Variants in VAT1L observed in about 807,000 individuals in gnomAD.
The protein encoded by VAT1L is vesicle amine transport 1 like, also known as putative NADPH-dependent quinone oxidoreductase VAT1L.
A neutral mutation model predicts 44.1 loss-of-function variants in VAT1L; 34 were observed. The ratio of observed to expected loss-of-function variants is 0.77; its 90% CI spans 0.59 to 1.03. The LOEUF is 1.03. VAT1L is among the 50% of genes least tolerant of loss of function. VAT1L has a pLI of 0.00. For missense variants in VAT1L, 615 were observed against 538.8 expected (o/e 1.14, Z -1.40); for synonymous variants, 253 against 202.2 (o/e 1.25, Z -2.13).
intron 3 of VAT1L, among the ~76,000 whole-genome samples, chr16:77,831,276 A>T (rs1199558795): frequency 6.6e-6 from 1 of 152,206 alleles, no homozygotes; most frequent in African/African-American, 2.4e-5. Context: ...TTAGCAGACT[A>T]CTTGACATAT....
chr16:77,965,852 T>C (rs1466752199), intron 7 of VAT1L, among the ~76,000 whole-genome samples: 1 of 152,182 alleles, frequency 6.6e-6, no homozygotes, highest in Admixed American at 6.5e-5. Flanking sequence ...CCAGAAGCTA[T>C]TGTGTGACAG....
chr16:77,864,505 C>T (rs1372085217), intron 4 of VAT1L, among the ~76,000 whole-genome samples: 1 of 152,114 alleles, frequency 6.6e-6, no homozygotes, highest in Non-Finnish European at 1.5e-5. Context: ...ACTCAGAAGG[C>T]TGAGGTGGGT....
chr16:77,843,127 A>G (rs1441037722), intron 3 of VAT1L, among the ~76,000 whole-genome samples: 1 of 152,220 alleles, frequency 6.6e-6, no homozygotes, highest in African/African-American at 2.4e-5. Flanking sequence ...CCACAAAGAT[A>G]GGTCAGGAAA....
intron 7 of VAT1L, chr16:77,893,041 T>G (rs2017285205): frequency 5.5e-6 from 3 of 544,348 alleles, no homozygotes; most frequent in Non-Finnish European, 1.0e-5. Context: ...TCCCTTTGGG[T>G]TCCATGTTTT....
intron 7 of VAT1L, among the ~76,000 whole-genome samples, chr16:77,901,036 G>C (rs1275564241): frequency 6.6e-6 from 1 of 152,112 alleles, no homozygotes; most frequent in Non-Finnish European, 1.5e-5. Flanking sequence ...AGTTCAAAAG[G>C]TGAATGAGGA....
At chr16:77,963,826 G>A (rs917604862) in intron 7 of VAT1L, among the ~76,000 whole-genome samples, 3 of 152,154 alleles carry the variant, frequency 2.0e-5, no homozygotes, top group African/African-American at 7.2e-5. Context: ...ACTTCTCTGT[G>A]ATACTTCCCA....
Position 77,831,851 on chromosome 16 carries a change from TG to T in VAT1L, c.579+6391del, listed in dbSNP as rs553267663. Reference sequence around the variant, plus strand: ...TTTTTTTGGAGATGGAGTCTCACTCTGTCACCCAGGCTGGAGTGCAGTGGCT... The same window carrying T: ...TTTTTTTGGAGATGGAGTCTCACTCTTCACCCAGGCTGGAGTGCAGTGGCT... On this transcript the variant is annotated intron_variant, in intron 3 of 8. Coordinates refer to ENST00000302536, the MANE Select transcript of VAT1L (RefSeq NM_020927.3). Among the ~76,000 whole-genome samples the T allele has an allele frequency of 4.6e-5, 7 of 152,104 alleles. No individual in the cohort carries two copies. The South Asian group carries it at 1.5e-3, about 32-fold the overall frequency.
At chr16:77,930,891 C>A (rs142733913) in intron 7 of VAT1L, among the ~76,000 whole-genome samples, 9 of 152,306 alleles carry the variant, frequency 5.9e-5, no homozygotes, top group East Asian at 5.8e-4. Context: ...CTAATTTAAT[C>A]TAAGACACAA....
At chr16:77,902,189 T>C (rs2017390129) in intron 7 of VAT1L, among the ~76,000 whole-genome samples, 1 of 152,242 alleles carries the variant, frequency 6.6e-6, no homozygotes, top group East Asian at 1.9e-4. Flanking sequence ...GCTCATCTTA[T>C]TCCTTTCTTT....
At chr16:77,844,485 T>C (rs1003449302) in intron 3 of VAT1L, among the ~76,000 whole-genome samples, 4 of 152,172 alleles carry the variant, frequency 2.6e-5, no homozygotes, top group Non-Finnish European at 4.4e-5. Context: ...CTCAGCTCCC[T>C]GCAACCTCCG....
At chr16:77,954,598 C>A (rs532027361) in intron 7 of VAT1L, among the ~76,000 whole-genome samples, 71 of 152,262 alleles carry the variant, frequency 4.7e-4, no homozygotes, top group African/African-American at 1.6e-3. Flanking sequence ...GTAGTCCAGC[C>A]TGGGCGACAG....
chr16:77,969,663 C>G (rs1350741731), intron 7 of VAT1L, among the ~76,000 whole-genome samples: 1 of 151,970 alleles, frequency 6.6e-6, no homozygotes, highest in African/African-American at 2.4e-5. Context: ...ATCACTTTTG[C>G]TCTATTCTGT....
At chr16:77,872,101 G>C (rs2017039162) in intron 4 of VAT1L, among the ~76,000 whole-genome samples, 1 of 152,046 alleles carries the variant, frequency 6.6e-6, no homozygotes, top group Admixed American at 6.6e-5. Context: ...CCACAGTTGG[G>C]GAAACTGAGG....
chr16:77,825,217 C>T (rs1344890575), intron 2 of VAT1L, 29 bp from the exon 3 acceptor site: 3 of 1,611,394 alleles, frequency 1.9e-6, no homozygotes, highest in East Asian at 2.2e-5. Flanking sequence ...GAGGTAGCCT[C>T]CACTAACTCT....
chr16:77,905,123 C>T (rs542509248), intron 7 of VAT1L, among the ~76,000 whole-genome samples: 2 of 152,184 alleles, frequency 1.3e-5, no homozygotes, highest in South Asian at 4.1e-4. Context: ...TATAAAACAT[C>T]CCCTCTCTAT....
intron 7 of VAT1L, among the ~76,000 whole-genome samples, chr16:77,931,836 T>C (rs1481353865): frequency 1.3e-5 from 2 of 152,188 alleles, no homozygotes; most frequent in African/African-American, 4.8e-5. Context: ...AAGTTCAAAG[T>C]GTTAGGGGAA....
chr16:77,923,837 G>A (rs1333494791), intron 7 of VAT1L, among the ~76,000 whole-genome samples: 2 of 152,124 alleles, frequency 1.3e-5, no homozygotes, highest in Non-Finnish European at 2.9e-5. Flanking sequence ...ACCATCCCAG[G>A]ATAGCTCATA....
intron 7 of VAT1L, among the ~76,000 whole-genome samples, chr16:77,895,310 G>T (rs392766): frequency 0.9 from 136,718 of 152,060 alleles, 61,957 homozygotes; most frequent in Non-Finnish European, 0.95. Context: ...ACAGGCTGAA[G>T]AATGGCCCCC....
At chr16:77,953,602 G>A (rs2018069635) in intron 7 of VAT1L, among the ~76,000 whole-genome samples, 2 of 152,036 alleles carry the variant, frequency 1.3e-5, no homozygotes, top group East Asian at 1.9e-4. Context: ...GCACAGTGGT[G>A]CAATCACAGC....
Sources: allele counts gnomAD v4.1 joint callset (sites outside exome capture counted in the v4.1 genomes callset), GRCh38; gene constraint gnomAD v4.1.1; transcripts MANE v1.5; gene names NCBI Gene and HGNC (gene_info 2026-07-23, HGNC 2026-07-21).